Variants in CCT5 observed in about 807,000 individuals in gnomAD.
CCT5 encodes the protein T-complex protein 1 subunit epsilon.
CCT5 carries 6 observed loss-of-function variants against 55.0 expected under a neutral mutation model. The ratio of observed to expected loss-of-function variants is 0.11; its 90% CI spans 0.06 to 0.22. The LOEUF is 0.22. Among genes scored for constraint, CCT5 ranks in the 10% least tolerant of loss-of-function variants. The pLI is 1.00. For synonymous variants in CCT5, 231 were observed against 243.7 expected (o/e 0.95, Z 0.49); for missense variants, 560 against 694.6 (o/e 0.81, Z 2.18).
At chr5:10,253,515 T>C (rs1263588850) in intron 1 of CCT5, among the ~76,000 whole-genome samples, 1 of 152,150 alleles carries the variant, frequency 6.6e-6, no homozygotes, top group Non-Finnish European at 1.5e-5. Context: ...GCCTCCCAAG[T>C]AGGGGGGGTT....
intron 3 of CCT5, among the ~76,000 whole-genome samples, chr5:10,255,230 A>C (rs1320575696): frequency 1.3e-5 from 2 of 152,232 alleles, no homozygotes; most frequent in African/African-American, 4.8e-5. Context: ...CTGTATACCT[A>C]AATACTTAGG....
At position 10,256,312 on chromosome 5, in the gene CCT5, A is replaced by G. The variant is rs138075842; in HGVS notation, c.530+159A>G. Among the ~76,000 whole-genome samples the G allele has an allele frequency of 1.0e-4, 16 of 152,382 alleles. No homozygotes were observed. In the East Asian group the frequency reaches 3.1e-3, roughly 29 times the overall value. ...CTTTGTTTTTAATGTAGATGTAGACAGATGCATTTTGTATTTAAGTTGAGA... is the reference window on the plus strand; with the variant it reads ...CTTTGTTTTTAATGTAGATGTAGACGGATGCATTTTGTATTTAAGTTGAGA... On this transcript the variant is annotated intron_variant, in intron 4 of 10. Coordinates refer to ENST00000280326, the MANE Select transcript of CCT5 (RefSeq NM_012073.5).
At chr5:10,259,518 A>T (rs1377904926) in intron 6 of CCT5, among the ~76,000 whole-genome samples, 1 of 152,214 alleles carries the variant, frequency 6.6e-6, no homozygotes, top group Non-Finnish European at 1.5e-5. Context: ...TGAGACACAG[A>T]TAAGAGAAAG....
chr5:10,264,570 C>T (rs1365924819), intron 10 of CCT5, 86 bp from the exon 11 acceptor site: 8 of 921,836 alleles, frequency 8.7e-6, no homozygotes, highest in African/African-American at 3.2e-5. Flanking sequence ...TTAAGTCTTA[C>T]TGTGATTCCC....
At chr5:10,250,046 G>A (rs777790803), upstream of CCT5, 5 of 1,541,544 alleles carry the variant, frequency 3.2e-6, no homozygotes, top group Non-Finnish European at 4.4e-6. Flanking sequence ...ACTATCAGTG[G>A]TAACGTTTTA....
At chr5:10,260,741 A>G (rs771535320) in intron 6 of CCT5, 51 bp from the exon 7 acceptor site, 11 of 1,606,030 alleles carry the variant, frequency 6.8e-6, no homozygotes, top group Non-Finnish European at 9.4e-6. Context: ...ATTGTAATGA[A>G]GAATAAATAC....
intron 4 of CCT5, among the ~76,000 whole-genome samples, chr5:10,256,670 G>C (rs1228663056): frequency 1.5e-5 from 2 of 132,780 alleles, no homozygotes; most frequent in African/African-American, 5.2e-5. Context: ...TTGAGCAACA[G>C]AGCGAGACCC....
chr5:10,258,908 G>T (rs866916393), intron 6 of CCT5, among the ~76,000 whole-genome samples: 1 of 152,102 alleles, frequency 6.6e-6, no homozygotes, highest in African/African-American at 2.4e-5. Context: ...CAGGAGAATC[G>T]CTTGAACCCA....
In CCT5 at chr5:10,258,369, T is replaced by C; in HGVS notation, c.724-17T>C. The C allele has an allele frequency of 6.2e-7, 1 of 1,614,084 alleles. No homozygotes were observed. The highest frequency in any genetic ancestry group is 2.2e-5 in the East Asian group (1 of 44,890). ...TCTTAATTCCACCAATTAAAATGTC[T>C]TTATGTTCCCCCATAGAAAGTGGAA... is the stretch of plus-strand genomic sequence containing the variant. On this transcript the variant is annotated splice_polypyrimidine_tract_variant and intron_variant, in intron 5 of 10. Coordinates refer to ENST00000280326, the MANE Select transcript of CCT5 (RefSeq NM_012073.5).
rs993433098 is a variant in CCT5, at chr5:10,256,682, G to A, written c.530+529G>A. Reference sequence around the variant, plus strand: ...AGCTTGAGCAACAGAGCGAGACCCTGTCTCAAAAAAAAAAAAAAGTCAACT... The same window carrying A: ...AGCTTGAGCAACAGAGCGAGACCCTATCTCAAAAAAAAAAAAAAGTCAACT... On this transcript the variant is annotated intron_variant, in intron 4 of 10. Transcript: ENST00000280326. Among the ~76,000 whole-genome samples the A allele has an allele frequency of 1.6e-4, 12 of 72,786 alleles. No individual in the cohort carries two copies. In the Admixed American group the frequency reaches 1.9e-3, roughly 12 times the overall value. 47.8% of individuals were successfully genotyped at this position (72,786 alleles called of 152,430 possible). A position where few individuals can be genotyped will look rare whatever the true frequency, so the allele number is the denominator to read the frequency against.
chr5:10,258,878 A>G (rs1745812344), intron 6 of CCT5, among the ~76,000 whole-genome samples: 1 of 152,182 alleles, frequency 6.6e-6, no homozygotes. Flanking sequence ...CTATAGTCCT[A>G]GCTACTCAGG....
rs1288066586 is a variant in CCT5 at position 10,265,312 on chromosome 5, A to AT, written c.*530dup. 3 of 164,792 alleles carry AT rather than the reference A, an allele frequency of 1.8e-5. No individual in the cohort carries two copies. Among genetic ancestry groups the AT allele is most frequent in the African/African-American group, 7.2e-5 (3 of 41,500 alleles). 10.2% of individuals were successfully genotyped at this position (164,792 alleles called of 1,614,324 possible). A position where few individuals can be genotyped will look rare whatever the true frequency, so the allele number is the denominator to read the frequency against. ...TAACCTGGCGTGTTGTTTAGGGCTG[A>AT]TGGAGACCCATGTGAGCCTTTGCTT... is the stretch of plus-strand genomic sequence containing the variant. On this transcript the variant is annotated 3_prime_UTR_variant, in exon 11 of 11. Transcript: ENST00000280326.
At chr5:10,255,804 T>A (rs1006916371) in intron 3 of CCT5, 151 bp from the exon 4 acceptor site, 3 of 711,748 alleles carry the variant, frequency 4.2e-6, no homozygotes, top group African/African-American at 3.6e-5. Flanking sequence ...GAGGCTTTCT[T>A]TTAAAAATAG....
chr5:10,252,532 T>C (rs1448349881), intron 1 of CCT5, among the ~76,000 whole-genome samples: 1 of 147,668 alleles, frequency 6.8e-6, no homozygotes, highest in East Asian at 2.0e-4. Context: ...GGAGAATCGC[T>C]GGAACCTGGG....
chr5:10,264,546 G>T (rs368509819), intron 10 of CCT5, 110 bp from the exon 11 acceptor site: 1 of 795,020 alleles, frequency 1.3e-6, no homozygotes, highest in Non-Finnish European at 2.2e-6. Flanking sequence ...TTGGCTTCCA[G>T]GAGTTTGTAT....
At chr5:10,249,973 C>G, upstream of CCT5, 1 of 1,475,824 alleles carries the variant, frequency 6.8e-7, no homozygotes, top group Non-Finnish European at 9.1e-7. Context: ...AGCCGGAGTG[C>G]GAAGAAATAA....
chr5:10,262,730 G>A, intron 9 of CCT5, 112 bp downstream of exon 9: 1 of 1,128,624 alleles, frequency 8.9e-7, no homozygotes, highest in Non-Finnish European at 1.3e-6. Flanking sequence ...TGAGCTGTGT[G>A]TAGGTGACAG....
rs1561045314 is a variant in CCT5 at position 10,254,665 on chromosome 5, G to GT, written c.167-3dup. The GT allele has an allele frequency of 1.2e-6, 2 of 1,613,732 alleles. No homozygotes were observed. Among genetic ancestry groups the GT allele is most frequent in the Non-Finnish European group, 1.7e-6 (2 of 1,179,764 alleles). ...TTTTGCGCAAAGCCTACTAAACGTTGTTTTTTAGGGCTTGATAAGATGATG... is the reference window on the plus strand; with the variant it reads ...TTTTGCGCAAAGCCTACTAAACGTTGTTTTTTTAGGGCTTGATAAGATGATG... On this transcript the variant is annotated splice_polypyrimidine_tract_variant and intron_variant, in intron 2 of 10. Transcript: ENST00000280326.
intron 6 of CCT5, among the ~76,000 whole-genome samples, chr5:10,260,393 C>T (rs2126512355): frequency 6.6e-6 from 1 of 152,352 alleles, no homozygotes; most frequent in South Asian, 2.1e-4. Flanking sequence ...TGGTTCATAA[C>T]ATTGTTTGTT....
Sources: gnomAD v4.1 joint callset for allele counts (sites outside exome capture counted in the v4.1 genomes callset) on GRCh38, gnomAD v4.1.1 for gene constraint, MANE v1.5 for transcripts, NCBI Gene and HGNC (gene_info 2026-07-23, HGNC 2026-07-21) for gene names.